The following CSMD1 variants were observed in gnomAD, a reference collection of about 807,000 sequenced individuals.
CSMD1 encodes CUB and sushi domain-containing protein 1.
In CSMD1, 213 loss-of-function variants were observed where a neutral mutation model predicts 417.5. The ratio of observed to expected loss-of-function variants is 0.51; its 90% CI spans 0.46 to 0.57. The LOEUF (loss-of-function observed/expected upper bound fraction) is 0.57. CSMD1 is among the 20% of genes least tolerant of loss of function. CSMD1 has a pLI of 0.00. For synonymous variants in CSMD1, 2,862 were observed against 1,736.8 expected (o/e 1.65, Z -16.11); for missense variants, 6,923 against 4,529.7 (o/e 1.53, Z -15.17).
chr8:4,121,393 G>C (rs1185102847), intron 3 of CSMD1, among the ~76,000 whole-genome samples: 1 of 152,132 alleles, frequency 6.6e-6, no homozygotes, highest in East Asian at 1.9e-4. Flanking sequence ...GGGATTACAG[G>C]CATGAGTGTC....
At chr8:3,005,895 C>T (rs1455203312) in intron 52 of CSMD1, among the ~76,000 whole-genome samples, 3 of 151,996 alleles carry the variant, frequency 2.0e-5, no homozygotes, top group Non-Finnish European at 2.9e-5. Flanking sequence ...CACTCCTATT[C>T]AACATAGTGT....
intron 40 of CSMD1, among the ~76,000 whole-genome samples, chr8:3,144,736 A>T (rs927958041): frequency 2.0e-5 from 3 of 150,820 alleles, no homozygotes; most frequent in Admixed American, 1.3e-4. Context: ...ATTTTTGTTT[A>T]AAAGGAACTC....
chr8:4,552,623 GAA>G lies in CSMD1; in HGVS notation c.302+84717_302+84718del, dbSNP rs568511660. Among the ~76,000 whole-genome samples, 41 of 148,492 alleles carry G rather than the reference GAA, an allele frequency of 2.8e-4. 1 individual carries two copies. Among genetic ancestry groups the G allele is most frequent in the Admixed American group, 2.5e-3 (37 of 14,916 alleles). On this transcript the variant is annotated intron_variant, in intron 2 of 69. Transcript: ENST00000635120. ...GGAATCACAGTGAGTTTCAATTGGGGAAAAAAAAAATGAAAGCTGTTTTCTGA... is the reference window on the plus strand; with the variant it reads ...GGAATCACAGTGAGTTTCAATTGGGGAAAAAAAATGAAAGCTGTTTTCTGA...
intron 10 of CSMD1, among the ~76,000 whole-genome samples, chr8:3,516,976 G>A (rs533756631): frequency 2.0e-5 from 3 of 152,188 alleles, no homozygotes; most frequent in Admixed American, 6.5e-5. Flanking sequence ...TAAGAATGAG[G>A]GTGAAAACAC....
chr8:3,382,371 A>G lies in CSMD1; in HGVS notation c.2782+5123T>C, dbSNP rs899095428. Among the ~76,000 whole-genome samples, 446 of 145,912 alleles carry G rather than the reference A, an allele frequency of 3.1e-3. 1 individual carries two copies. Among genetic ancestry groups the G allele is most frequent in the African/African-American group, 0.011 (425 of 40,262 alleles). On this transcript the variant is annotated intron_variant, in intron 18 of 69. Transcript: ENST00000635120. Reference sequence around the variant, plus strand: ...ATGTATATTTATTATTAGCATTCCAATAACTTTAGTAATTAGTTATATATA... The same window carrying G: ...ATGTATATTTATTATTAGCATTCCAGTAACTTTAGTAATTAGTTATATATA...
intron 6 of CSMD1, among the ~76,000 whole-genome samples, chr8:3,737,170 G>A (rs946549804): frequency 6.6e-6 from 1 of 152,182 alleles, no homozygotes; most frequent in South Asian, 2.1e-4. Context: ...AATAAAAATT[G>A]CATTTCCTAC....
chr8:4,278,769 C>T (rs1219956511), intron 3 of CSMD1, among the ~76,000 whole-genome samples: 2 of 152,122 alleles, frequency 1.3e-5, no homozygotes, highest in South Asian at 2.1e-4. Context: ...GAACAAAGAG[C>T]CAAGTGTGAT....
At chr8:3,828,404 G>A in intron 5 of CSMD1, among the ~76,000 whole-genome samples, 1 of 151,916 alleles carries the variant, frequency 6.6e-6, no homozygotes, top group Non-Finnish European at 1.5e-5. Context: ...TTACCATATT[G>A]TCATATTGCA....
At chr8:4,046,788 G>C (rs189562332) in intron 3 of CSMD1, among the ~76,000 whole-genome samples, 246 of 152,232 alleles carry the variant, frequency 1.6e-3, no homozygotes, top group Non-Finnish European at 2.6e-3. Context: ...GCACAGCCTG[G>C]GGAGCAAGTG....
At position 4,616,523 on chromosome 8, in the gene CSMD1, C is replaced by G. The variant is rs189474629; in HGVS notation, c.302+20819G>C. 1.3e-4 allele frequency among the ~76,000 whole-genome samples: 20 copies of G among 152,318 alleles called. No homozygotes were observed. In the East Asian group the frequency reaches 3.9e-3, roughly 29 times the overall value. On this transcript the variant is annotated intron_variant, in intron 2 of 69. Coordinates refer to ENST00000635120, the MANE Select transcript of CSMD1 (RefSeq NM_033225.6). ...CTCTAAATCACACCAAATACAAAGA[C>G]TTTCTCATTCTCTCATGCCAGCAAT...
chr8:3,619,741 G>A (rs573401871), intron 7 of CSMD1, among the ~76,000 whole-genome samples: 2 of 151,754 alleles, frequency 1.3e-5, no homozygotes, highest in South Asian at 4.1e-4. Context: ...TCCATAATAA[G>A]ACTATCAACA....
chr8:3,020,403 G>A (rs999293552), intron 51 of CSMD1, among the ~76,000 whole-genome samples: 2 of 152,164 alleles, frequency 1.3e-5, no homozygotes, highest in Non-Finnish European at 2.9e-5. Context: ...GTCTTGCTCT[G>A]TCACTCAGGC....
Position 4,628,458 on chromosome 8 carries a change from ATATATG to A in CSMD1, c.302+8878_302+8883del, listed in dbSNP as rs1802263928. Among the ~76,000 whole-genome samples the A allele has an allele frequency of 7.3e-5, 11 of 149,838 alleles. No homozygotes were observed. In the South Asian group the frequency reaches 1.5e-3, roughly 20 times the overall value. ...TATACACATATATACACATATACAT[ATATATG>A]TATATGTATATATACACACAGTATC... On this transcript the variant is annotated intron_variant, in intron 2 of 69. Coordinates refer to ENST00000635120, the MANE Select transcript of CSMD1 (RefSeq NM_033225.6).
intron 1 of CSMD1, among the ~76,000 whole-genome samples, chr8:4,945,084 T>A (rs1808279991): frequency 6.6e-6 from 1 of 152,154 alleles, no homozygotes; most frequent in Admixed American, 6.5e-5. Flanking sequence ...AAGAAAATCC[T>A]GACATAGGCT....
intron 2 of CSMD1, among the ~76,000 whole-genome samples, chr8:4,497,336 CTATT>C (rs775736927): frequency 6.6e-6 from 1 of 152,184 alleles, no homozygotes; most frequent in East Asian, 1.9e-4. Context: ...CAAAGTAAAT[CTATT>C]TATATAGCCA....
chr8:3,521,547 A>T (rs749619661), intron 10 of CSMD1, among the ~76,000 whole-genome samples: 2 of 152,154 alleles, frequency 1.3e-5, no homozygotes, highest in African/African-American at 4.8e-5. Context: ...ATCAGTAAAC[A>T]TAAGTTACTC....
chr8:4,415,150 G>A (rs1226546609), intron 3 of CSMD1, among the ~76,000 whole-genome samples: 1 of 151,994 alleles, frequency 6.6e-6, no homozygotes, highest in Admixed American at 6.6e-5. Context: ...CCTTCAGATA[G>A]GGCAGAAAGG....
At chr8:3,946,265 A>G (rs1393860979) in intron 5 of CSMD1, among the ~76,000 whole-genome samples, 2 of 152,152 alleles carry the variant, frequency 1.3e-5, no homozygotes, top group East Asian at 3.8e-4. Context: ...TCCATATTAG[A>G]GAACACAGTA....
chr8:4,810,909 C>G (rs547049252), intron 1 of CSMD1, among the ~76,000 whole-genome samples: 121 of 152,190 alleles, frequency 8.0e-4, no homozygotes, highest in African/African-American at 2.8e-3. Flanking sequence ...AAATTAACTG[C>G]TACCTCTCCT....
Sources: gnomAD v4.1 joint callset for allele counts (sites outside exome capture counted in the v4.1 genomes callset) on GRCh38, gnomAD v4.1.1 for gene constraint, MANE v1.5 for transcripts, NCBI Gene and HGNC (gene_info 2026-07-23, HGNC 2026-07-21) for gene names.